PSD3: variants seen among roughly 807,000 people sequenced by gnomAD.
PSD3 encodes the protein PH and SEC7 domain-containing protein 3.
A neutral mutation model predicts 105.5 loss-of-function variants in PSD3; 49 were observed. That is an observed-to-expected ratio of 0.46 (90% CI 0.37 to 0.59). The LOEUF is 0.59. PSD3 is among the 20% of genes least tolerant of loss of function. The pLI is 0.00. For missense variants in PSD3, 1,561 were observed against 1,263.8 expected, an observed-to-expected ratio of 1.24 and a Z score of -3.57; for synonymous variants, 557 against 457.8, an observed-to-expected ratio of 1.22 and a Z score of -2.77.
intron 12 of PSD3, among the ~76,000 whole-genome samples, chr8:18,588,927 G>A (rs566847764): frequency 2.0e-5 from 3 of 152,328 alleles, no homozygotes; most frequent in East Asian, 1.9e-4. Flanking sequence ...CTGAGATGGA[G>A]TGGGTGGAAA....
chr8:18,591,344 C>A (rs77419350), intron 12 of PSD3, among the ~76,000 whole-genome samples: 1 of 152,030 alleles, frequency 6.6e-6, no homozygotes, highest in Non-Finnish European at 1.5e-5. Context: ...AATTGGAATA[C>A]TGAGGGAACT....
chr8:18,916,341 TATATATATACAC>T (rs1563416877), intron 2 of PSD3, among the ~76,000 whole-genome samples: 3 of 44,894 alleles, frequency 6.7e-5, no homozygotes, highest in Non-Finnish European at 7.7e-5. Context: ...TATATATATA[TATATATATACAC>T]ACACACACAC....
At position 18,846,408 on chromosome 8, in the gene PSD3, G is replaced by A. The variant is rs1000695050; in HGVS notation, c.1634+21266C>T. Among the ~76,000 whole-genome samples, 14 of 152,196 alleles carry A rather than the reference G, an allele frequency of 9.2e-5. No individual in the cohort carries two copies. The East Asian group carries it at 2.3e-3, about 25-fold the overall frequency. On this transcript the variant is annotated intron_variant, in intron 4 of 15. Coordinates refer to ENST00000327040, the MANE Select transcript of PSD3 (RefSeq NM_015310.4). The stretch of plus-strand genomic sequence containing the variant: ...TCAGATGAACAGAAACGTAGGGGGC[G>A]GAAACTAACGATAGAACAGTTTCTA...
At chr8:18,864,088 A>G (rs1192478832) in intron 4 of PSD3, among the ~76,000 whole-genome samples, 1 of 152,256 alleles carries the variant, frequency 6.6e-6, no homozygotes, top group Non-Finnish European at 1.5e-5. Flanking sequence ...TGAAACAGAA[A>G]AGGATTTAAG....
At chr8:18,593,396 C>G (rs368143786) in intron 12 of PSD3, among the ~76,000 whole-genome samples, 22 of 152,294 alleles carry the variant, frequency 1.4e-4, no homozygotes, top group South Asian at 4.1e-4. Flanking sequence ...CTGGCCATCA[C>G]AGAAATGCAA....
intron 4 of PSD3, among the ~76,000 whole-genome samples, chr8:18,865,702 G>T (rs1199450277): frequency 6.6e-6 from 1 of 152,080 alleles, no homozygotes; most frequent in Non-Finnish European, 1.5e-5. Context: ...AGGCAAGCTG[G>T]CGCGTCTCCA....
chr8:18,640,108 G>C (rs370320878), intron 10 of PSD3, among the ~76,000 whole-genome samples: 9 of 152,156 alleles, frequency 5.9e-5, no homozygotes, highest in East Asian at 5.8e-4. Flanking sequence ...CTGTGGTCGT[G>C]AATCCATTCT....
intron 11 of PSD3, among the ~76,000 whole-genome samples, chr8:18,612,605 C>T (rs1010883050): frequency 1.4e-4 from 21 of 152,038 alleles, no homozygotes; most frequent in Non-Finnish European, 2.4e-4. Context: ...CTCCTGACCT[C>T]GTGATCCGCC....
chr8:19,023,586 C>T (rs186028557), intron 1 of PSD3, among the ~76,000 whole-genome samples: 6 of 150,460 alleles, frequency 4.0e-5, no homozygotes, highest in East Asian at 1.9e-4. Flanking sequence ...CATGCATTAC[C>T]GCACCCCACT....
intron 1 of PSD3, among the ~76,000 whole-genome samples, chr8:19,072,192 C>G (rs186693072): frequency 6.6e-6 from 1 of 151,972 alleles, no homozygotes; most frequent in Non-Finnish European, 1.5e-5. Flanking sequence ...GCCTCCACCT[C>G]CTGGGTTCAA....
At chr8:18,753,002 G>T (rs946467579) in intron 9 of PSD3, among the ~76,000 whole-genome samples, 1 of 152,040 alleles carries the variant, frequency 6.6e-6, no homozygotes, top group East Asian at 1.9e-4. Flanking sequence ...GTTTCCAAAT[G>T]AACAGGGTAA....
intron 2 of PSD3, among the ~76,000 whole-genome samples, chr8:18,903,856 G>C (rs768792775): frequency 6.6e-6 from 1 of 152,084 alleles, no homozygotes; most frequent in Non-Finnish European, 1.5e-5. Flanking sequence ...CTGAGGGAAG[G>C]TGTGACTTCT....
In PSD3 at chr8:18,898,300, G is replaced by A. The variant is rs184553764; in HGVS notation, c.131-25567C>T. 9.2e-5 allele frequency among the ~76,000 whole-genome samples: 14 copies of A among 152,162 alleles called. No individual in the cohort carries two copies. In the East Asian group the frequency reaches 1.2e-3, roughly 13 times the overall value. On this transcript the variant is annotated intron_variant, in intron 2 of 15. Coordinates refer to ENST00000327040, the MANE Select transcript of PSD3 (RefSeq NM_015310.4). ...GTGCTCCAGTATTAGGTACATATAC[G>A]TTTATAAGTGTTATATCTGCTTGCT... is the stretch of plus-strand genomic sequence containing the variant.
intron 9 of PSD3, among the ~76,000 whole-genome samples, chr8:18,748,279 C>T (rs996556283): frequency 3.3e-5 from 5 of 151,830 alleles, no homozygotes; most frequent in African/African-American, 1.2e-4. Context: ...TGCATGCTTT[C>T]AAAATAAAAA....
intron 1 of PSD3, among the ~76,000 whole-genome samples, chr8:19,049,319 A>G (rs1245760508): frequency 6.6e-6 from 1 of 152,144 alleles, no homozygotes; most frequent in African/African-American, 2.4e-5. Flanking sequence ...GAGGTCAGAA[A>G]TCCCTTAAAT....
intron 9 of PSD3, among the ~76,000 whole-genome samples, chr8:18,662,750 T>A (rs1002004308): frequency 6.6e-6 from 1 of 152,246 alleles, no homozygotes; most frequent in Non-Finnish European, 1.5e-5. Context: ...GTCCTTTCTT[T>A]AGTCTCTGCT....
intron 11 of PSD3, among the ~76,000 whole-genome samples, chr8:18,619,387 G>A (rs1222105049): frequency 1.3e-5 from 2 of 152,148 alleles, no homozygotes; most frequent in African/African-American, 2.4e-5. Context: ...GCTCATGCCT[G>A]TAATCCCAGC....
intron 9 of PSD3, among the ~76,000 whole-genome samples, chr8:18,740,320 G>A (rs1319545707): frequency 6.6e-6 from 1 of 152,038 alleles, no homozygotes; most frequent in African/African-American, 2.4e-5. Flanking sequence ...CTCTCTCCTC[G>A]GAATCTGACC....
rs547481351 is a variant in PSD3 at position 18,684,049 on chromosome 8, C to T, written c.2173-28364G>A. 278 of 635,898 alleles carry T rather than the reference C, an allele frequency of 4.4e-4. No homozygotes were observed. The African/African-American group carries it at 4.7e-3, about 11-fold the overall frequency. 39.4% of individuals were successfully genotyped at this position (635,898 alleles called of 1,614,324 possible). Reference sequence around the variant, plus strand: ...TTGTGCCTGAGCAGCTCCTGAGCGCCGTGATCCGCGTTAGCTTAAGAAGCA... The same window carrying T: ...TTGTGCCTGAGCAGCTCCTGAGCGCTGTGATCCGCGTTAGCTTAAGAAGCA... On this transcript the variant is annotated intron_variant, in intron 9 of 15. Coordinates refer to ENST00000327040, the MANE Select transcript of PSD3 (RefSeq NM_015310.4).
Sources: allele counts gnomAD v4.1 joint callset (sites outside exome capture counted in the v4.1 genomes callset), GRCh38; gene constraint gnomAD v4.1.1; transcripts MANE v1.5; gene names NCBI Gene and HGNC (gene_info 2026-07-23, HGNC 2026-07-21).